The following ZNF331 variants were observed in gnomAD, a reference collection of about 807,000 sequenced individuals.
ZNF331 encodes zinc finger protein 331.
Under a neutral mutation model 7.0 loss-of-function variants are expected in ZNF331, and 2 were observed. That is an observed-to-expected ratio of 0.29 (90% confidence interval 0.12 to 0.90). The LOEUF (loss-of-function observed/expected upper bound fraction) is 0.90, where lower values mean the gene tolerates loss of function less well. Ranked by LOEUF, ZNF331 falls within the 40% of genes least tolerant of loss-of-function variation. The probability of loss-of-function intolerance (pLI) is 0.58; values close to 1 mark genes in which losing one functional copy is unlikely to be tolerated. For missense variants in ZNF331, 432 were observed against 587.7 expected, an observed-to-expected ratio of 0.74 and a Z score of 2.74; for synonymous variants, 196 against 205.4, an observed-to-expected ratio of 0.95 and a Z score of 0.39.
intron 2 of ZNF331, among the ~76,000 whole-genome samples, chr19:53,544,645 C>A (rs1399213839): frequency 1.3e-5 from 2 of 151,614 alleles, no homozygotes; most frequent in African/African-American, 4.8e-5. Context: ...CTATTTTTTT[C>A]GTTGTTGAAA....
intron 5 of ZNF331, among the ~76,000 whole-genome samples, chr19:53,576,225 C>A (rs2090716621): frequency 6.6e-6 from 1 of 152,184 alleles, no homozygotes; most frequent in South Asian, 2.1e-4. Context: ...CTCAGGTGAT[C>A]TGCCTGCCTT....
intron 3 of ZNF331, among the ~76,000 whole-genome samples, chr19:53,557,500 T>A (rs554087229): frequency 8.1e-4 from 123 of 152,254 alleles, no homozygotes; most frequent in African/African-American, 2.8e-3. Flanking sequence ...CTTAATACCA[T>A]CACATTGGGG....
chr19:53,579,343 G>GT lies in ZNF331; in HGVS notation c.*1392dup. ...GGTCATGCCACCCACTCTACCAGTT[G>GT]TCCCCACCATCCCCCGCCCTCCTCC... On this transcript the variant is annotated 3_prime_UTR_variant, in exon 6 of 6. Coordinates refer to ENST00000449416, the MANE Select transcript of ZNF331 (RefSeq NM_001079906.2). 6.2e-6 allele frequency: 1 copy of GT among 161,934 alleles called. No individual in the cohort carries two copies. Among genetic ancestry groups the GT allele is most frequent in the Middle Eastern group, 2.5e-3 (1 of 394 alleles). 10.0% of individuals were successfully genotyped at this position (161,934 alleles called of 1,614,324 possible).
upstream of ZNF331, among the ~76,000 whole-genome samples, chr19:53,515,401 C>A (rs1324078749): frequency 2.0e-5 from 3 of 151,344 alleles, no homozygotes; most frequent in Non-Finnish European, 4.4e-5. Flanking sequence ...ACAGAAAGTA[C>A]CAAACTTCAG....
upstream of ZNF331, chr19:53,537,359 C>T (rs10412226): frequency 0.23 from 34,542 of 152,248 alleles, 5,560 homozygotes; most frequent in African/African-American, 0.46. Flanking sequence ...CTCCGGCAGC[C>T]TGTGCTAGCG....
upstream of ZNF331, among the ~76,000 whole-genome samples, chr19:53,519,113 C>G (rs1157063373): frequency 1.3e-5 from 2 of 151,954 alleles, no homozygotes; most frequent in East Asian, 3.9e-4. Context: ...GTAGTCTTAC[C>G]CACACGTTCA....
intron 2 of ZNF331, among the ~76,000 whole-genome samples, chr19:53,542,028 T>C (rs2088214310): frequency 6.6e-6 from 1 of 152,010 alleles, no homozygotes; most frequent in Admixed American, 6.6e-5. Context: ...AAAAAACATC[T>C]GAAATGGTAT....
intron 2 of ZNF331, among the ~76,000 whole-genome samples, chr19:53,527,789 G>A (rs2708761): frequency 0.34 from 52,337 of 151,940 alleles, 9,715 homozygotes; most frequent in African/African-American, 0.49. Context: ...TGCTTTGAAA[G>A]GCTTCACGTT....
intron 5 of ZNF331, among the ~76,000 whole-genome samples, chr19:53,575,359 G>A (rs1369481100): frequency 6.6e-6 from 1 of 151,972 alleles, no homozygotes; most frequent in Admixed American, 6.6e-5. Flanking sequence ...TCAGTCCTTT[G>A]CAGTTAGCCT....
chr19:53,511,151 C>A, the ZNF331 span, among the ~76,000 whole-genome samples: 1 of 152,078 alleles, frequency 6.6e-6, no homozygotes, highest in Admixed American at 6.5e-5. Context: ...CATTATCTAA[C>A]CCACGCATGC....
chr19:53,506,438 C>CTG, the ZNF331 span, among the ~76,000 whole-genome samples: 8 of 68,854 alleles, frequency 1.2e-4, no homozygotes, highest in East Asian at 4.6e-4. Context: ...CTCTCTCTCT[C>CTG]TCTCTGTCTC....
In ZNF331 at chr19:53,525,482, A is replaced by T. The variant is rs111700216; in HGVS notation, c.-205+2798A>T. Among the ~76,000 whole-genome samples, 1,479 of 152,262 alleles carry T rather than the reference A, an allele frequency of 9.7e-3. 21 individuals are homozygous for T. Among genetic ancestry groups the T allele is most frequent in the African/African-American group, 0.034 (1,399 of 41,532 alleles). ...GAAGAGGTCCTTCACATCCCTTGTA[A>T]ATTGGATTCCTAGGTATTTTATTTT... On this transcript the variant is annotated intron_variant, in intron 2 of 6. Coordinates refer to the ZNF331 transcript ENST00000253144.
At position 53,577,053 on chromosome 19, in the gene ZNF331, A is replaced by G; in HGVS notation, c.493A>G (p.Lys165Glu). 6.2e-7 allele frequency: 1 copy of G among 1,613,610 alleles called. No homozygotes were observed. The highest frequency in any genetic ancestry group is 8.5e-7 in the Non-Finnish European group (1 of 1,179,746). ...GAAACCTTATGAATGTAAAGAATGT[A>G]AGAAGGCCTTCCGTTGGGGCAATCA... ...GEKPYECKEC[K>E]KAFRWGNQLT... Residue 165 changes from lysine (K) to glutamate (E), a missense_variant, in exon 6 of 6, where the codon AAG becomes GAG. Coordinates refer to ENST00000449416, the MANE Select transcript of ZNF331 (RefSeq NM_001079906.2).
At chr19:53,567,233 A>C (rs912343275) in intron 3 of ZNF331, among the ~76,000 whole-genome samples, 1 of 152,168 alleles carries the variant, frequency 6.6e-6, no homozygotes, top group African/African-American at 2.4e-5. Context: ...TACAAAAAAA[A>C]CAGTTCTGTA....
intron 2 of ZNF331, among the ~76,000 whole-genome samples, chr19:53,542,159 T>A (rs1600277889): frequency 6.6e-6 from 1 of 152,144 alleles, no homozygotes; most frequent in Non-Finnish European, 1.5e-5. Flanking sequence ...ATAAAAGGAA[T>A]CCAACCCAGC....
In ZNF331 at chr19:53,539,966, C is replaced by T. The variant is rs1350978214; in HGVS notation, c.-138+684C>T. Among the ~76,000 whole-genome samples the T allele has an allele frequency of 6.6e-6, 1 of 152,188 alleles. No homozygotes were observed. Among genetic ancestry groups the T allele is most frequent in the Admixed American group, 6.5e-5 (1 of 15,272 alleles). On this transcript the variant is annotated intron_variant, in intron 2 of 5. Transcript: ENST00000449416. The surrounding 1 kb of genome is among the most constrained non-coding windows in gnomAD (Gnocchi z 6.1). Reference sequence around the variant, plus strand: ...AATGCACCTGACATAATATTAAACACTACTAATAGTTATTAACAATAGTAA... The same window carrying T: ...AATGCACCTGACATAATATTAAACATTACTAATAGTTATTAACAATAGTAA...
chr19:53,576,574 G>T, intron 5 of ZNF331, 123 bp from the exon 6 acceptor site: 1 of 788,778 alleles, frequency 1.3e-6, no homozygotes, highest in Non-Finnish European at 2.0e-6. Flanking sequence ...CAAGAGCCCT[G>T]GGTGATTCAC....
chr19:53,557,729 G>A (rs868336318), intron 3 of ZNF331, among the ~76,000 whole-genome samples: 6 of 92,826 alleles, frequency 6.5e-5, no homozygotes, highest in Non-Finnish European at 1.3e-4. Flanking sequence ...TTAGGAGGCC[G>A]AGGCGGATAG....
At chr19:53,532,177 A>G (rs1163741742) in intron 2 of ZNF331, among the ~76,000 whole-genome samples, 1 of 152,198 alleles carries the variant, frequency 6.6e-6, no homozygotes, top group Non-Finnish European at 1.5e-5. Flanking sequence ...TATAGTCACC[A>G]GGTTATAAAA....
Sources: gnomAD v4.1 joint callset for allele counts (sites outside exome capture counted in the v4.1 genomes callset) on GRCh38, gnomAD v4.1.1 for gene constraint, Gnocchi (gnomAD v3.1) non-coding constraint, MANE v1.5 for transcripts, NCBI Gene and HGNC (gene_info 2026-07-23, HGNC 2026-07-21) for gene names.